ARHGEF38: variants seen among roughly 807,000 people sequenced by gnomAD.
ARHGEF38 encodes the protein Rho guanine nucleotide exchange factor 38.
ARHGEF38 carries 79 observed loss-of-function variants against 79.9 expected under a neutral mutation model. That is an observed-to-expected ratio of 0.99 (90% CI 0.82 to 1.19). The LOEUF is 1.19. Among genes scored for constraint, ARHGEF38 ranks in the 50% most tolerant of loss-of-function variants. The pLI, the probability that ARHGEF38 is intolerant of heterozygous loss-of-function variation, is 0.00. For synonymous variants in ARHGEF38, 366 were observed against 328.3 expected, an observed-to-expected ratio of 1.11 and a Z score of -1.24; for missense variants, 962 against 907.2, an observed-to-expected ratio of 1.06 and a Z score of -0.78.
chr4:105,567,845 T>G (rs1206540763), intron 1 of ARHGEF38, among the ~76,000 whole-genome samples: 1 of 151,948 alleles, frequency 6.6e-6, no homozygotes, highest in Non-Finnish European at 1.5e-5. Context: ...GTTAGTTACA[T>G]ACGTATACAT....
intron 1 of ARHGEF38, among the ~76,000 whole-genome samples, chr4:105,585,018 AT>A (rs950720962): frequency 1.3e-4 from 19 of 151,642 alleles, no homozygotes; most frequent in Admixed American, 1.1e-3. Flanking sequence ...CAGCATCCCT[AT>A]TTTTTTTCCT....
chr4:105,566,125 A>G lies in ARHGEF38; in HGVS notation c.196+13164A>G, dbSNP rs28465596. Reference sequence around the variant, plus strand: ...TCCCTCATTTATTAAAAAATTCCTCATTGTCGAGATCTGTCTCCTGAGAAT... The same window carrying G: ...TCCCTCATTTATTAAAAAATTCCTCGTTGTCGAGATCTGTCTCCTGAGAAT... On this transcript the variant is annotated intron_variant, in intron 1 of 13. Coordinates refer to ENST00000420470, the MANE Select transcript of ARHGEF38 (RefSeq NM_001242729.2). Among the ~76,000 whole-genome samples the G allele has an allele frequency of 8.3e-3, 1,259 of 152,158 alleles. 21 individuals carry two copies. Among genetic ancestry groups the G allele is most frequent in the African/African-American group, 0.029 (1,204 of 41,504 alleles).
At chr4:105,601,321 A>G (rs554130935) in intron 2 of ARHGEF38, among the ~76,000 whole-genome samples, 1 of 152,232 alleles carries the variant, frequency 6.6e-6, no homozygotes, top group Non-Finnish European at 1.5e-5. Context: ...ATAGCTTGCT[A>G]CTTCATGTCC....
chr4:105,556,043 T>C (rs1725237588), intron 1 of ARHGEF38, among the ~76,000 whole-genome samples: 1 of 152,186 alleles, frequency 6.6e-6, no homozygotes, highest in African/African-American at 2.4e-5. Flanking sequence ...TGGAGTTGTA[T>C]AATAATAGAA....
At chr4:105,591,505 A>C (rs1727337718) in intron 2 of ARHGEF38, among the ~76,000 whole-genome samples, 1 of 152,226 alleles carries the variant, frequency 6.6e-6, no homozygotes, top group Non-Finnish European at 1.5e-5. Context: ...CTGGGATTAC[A>C]GGCGTGAGCC....
intron 1 of ARHGEF38, among the ~76,000 whole-genome samples, chr4:105,581,596 A>T (rs960183270): frequency 6.6e-6 from 1 of 152,130 alleles, no homozygotes; most frequent in African/African-American, 2.4e-5. Context: ...CCATTTATTG[A>T]TTAAACAAAA....
intron 3 of ARHGEF38, among the ~76,000 whole-genome samples, chr4:105,622,940 G>T (rs1481086519): frequency 3.9e-5 from 6 of 152,172 alleles, no homozygotes; most frequent in African/African-American, 1.4e-4. Context: ...GAGATTTGGG[G>T]AAAGGTCAAT....
chr4:105,590,101 AGG>A lies in ARHGEF38; in HGVS notation c.384+667_384+668del, dbSNP rs1560706097. Among the ~76,000 whole-genome samples, 467 of 145,444 alleles carry A rather than the reference AGG, an allele frequency of 3.2e-3. 2 individuals are homozygous for A. Among genetic ancestry groups the A allele is most frequent in the African/African-American group, 0.012 (446 of 37,536 alleles). ...AAGGAAGGAAGGAAGGAAGGAAGGA[AGG>A]AAGGAAGGAAGGAAGGAAGGAAGGA... On this transcript the variant is annotated intron_variant, in intron 2 of 13. Transcript: ENST00000420470.
chr4:105,648,633 C>T lies in ARHGEF38; in HGVS notation c.959C>T (p.Ser320Leu). ...AATATTCATTCAATTAGCAAGAAATCAAAAAGAGTGACAAATCATCTGAAG... is the reference window on the plus strand; with the variant it reads ...AATATTCATTCAATTAGCAAGAAATTAAAAAGAGTGACAAATCATCTGAAG... ...KLNIHSISKK[S>L]KRVTNHLKIL... Residue 320 changes from serine (S) to leucine (L), a missense_variant, in exon 7 of 14, where the codon TCA becomes TTA. Transcript: ENST00000420470. 2 of 1,532,554 alleles carry T rather than the reference C, an allele frequency of 1.3e-6. No individual in the cohort carries two copies. Among genetic ancestry groups the T allele is most frequent in the Non-Finnish European group, 1.7e-6 (2 of 1,145,530 alleles). 94.9% of individuals were successfully genotyped at this position (1,532,554 alleles called of 1,614,324 possible). A position where few individuals can be genotyped will look rare whatever the true frequency, so the allele number is the denominator to read the frequency against.
At chr4:105,615,336 G>T (rs1294421735) in intron 3 of ARHGEF38, among the ~76,000 whole-genome samples, 7 of 152,334 alleles carry the variant, frequency 4.6e-5, no homozygotes, top group African/African-American at 7.2e-5. Context: ...GGTCTGAACA[G>T]CATGCAGAGG....
At chr4:105,665,405 G>A (rs1038161203) in intron 10 of ARHGEF38, among the ~76,000 whole-genome samples, 4 of 151,924 alleles carry the variant, frequency 2.6e-5, no homozygotes, top group Admixed American at 2.6e-4. Flanking sequence ...GCTGAGGCAG[G>A]AGAATCACTT....
chr4:105,637,846 T>TA (rs1729462529), intron 5 of ARHGEF38, among the ~76,000 whole-genome samples: 1 of 152,136 alleles, frequency 6.6e-6, no homozygotes. Context: ...GAAACACGCT[T>TA]AAAAATGGCC....
intron 2 of ARHGEF38, among the ~76,000 whole-genome samples, chr4:105,598,852 G>C (rs1301909879): frequency 6.6e-6 from 1 of 152,116 alleles, no homozygotes; most frequent in Non-Finnish European, 1.5e-5. Flanking sequence ...AATAAGGGCA[G>C]TTCCTATGTG....
chr4:105,671,692 T>C (rs770786726), intron 13 of ARHGEF38, among the ~76,000 whole-genome samples: 1 of 152,222 alleles, frequency 6.6e-6, no homozygotes, highest in Non-Finnish European at 1.5e-5. Flanking sequence ...ATATCTTCTT[T>C]ACCAACAGTG....
At chr4:105,675,686 T>C (rs970422062) in intron 13 of ARHGEF38, among the ~76,000 whole-genome samples, 1 of 152,206 alleles carries the variant, frequency 6.6e-6, no homozygotes, top group African/African-American at 2.4e-5. Context: ...CTGGTTGGCT[T>C]ATAAACAACA....
intron 3 of ARHGEF38, among the ~76,000 whole-genome samples, chr4:105,614,245 C>G (rs961473): frequency 0.099 from 15,051 of 152,082 alleles, 859 homozygotes; most frequent in Middle Eastern, 0.2. Context: ...TTAAAATTAT[C>G]GTTTCTCTAT....
At chr4:105,608,864 G>C (rs1469698404) in intron 2 of ARHGEF38, among the ~76,000 whole-genome samples, 1 of 151,862 alleles carries the variant, frequency 6.6e-6, no homozygotes, top group East Asian at 1.9e-4. Context: ...GGGATTATTT[G>C]TTTTCTTACT....
intron 7 of ARHGEF38, among the ~76,000 whole-genome samples, chr4:105,649,773 C>A (rs535778661): frequency 6.6e-6 from 1 of 152,286 alleles, no homozygotes; most frequent in South Asian, 2.1e-4. Flanking sequence ...GCAGCCCCTT[C>A]TTCCTCTGGA....
chr4:105,655,835 T>C (rs531285511), intron 9 of ARHGEF38, 113 bp downstream of exon 9: 1 of 1,164,288 alleles, frequency 8.6e-7, no homozygotes, highest in East Asian at 2.7e-5. Context: ...AAAGCAAATA[T>C]TAATGTCAAA....
Sources: gnomAD v4.1 joint callset for allele counts (sites outside exome capture counted in the v4.1 genomes callset) on GRCh38, gnomAD v4.1.1 for gene constraint, MANE v1.5 for transcripts, NCBI Gene and HGNC (gene_info 2026-07-23, HGNC 2026-07-21) for gene names.